Variants in LGALSL observed in about 807,000 individuals in gnomAD.
LGALSL encodes the protein galectin-related protein.
A neutral mutation model predicts 19.5 loss-of-function variants in LGALSL; 13 were observed. The ratio of observed to expected loss-of-function variants is 0.67; its 90% confidence interval spans 0.43 to 1.06. The LOEUF (loss-of-function observed/expected upper bound fraction) is 1.06. LGALSL is among the 50% of genes least tolerant of loss of function. The probability of loss-of-function intolerance (pLI) is 0.00; values close to 1 mark genes in which losing one functional copy is unlikely to be tolerated. For synonymous variants in LGALSL, 86 were observed against 78.3 expected, an observed-to-expected ratio of 1.10 and a Z score of -0.52; for missense variants, 189 against 219.3, an observed-to-expected ratio of 0.86 and a Z score of 0.87.
chr2:64,456,244 T>C (rs769062878), intron 3 of LGALSL, 44 bp from the exon 4 acceptor site: 3 of 1,564,202 alleles, frequency 1.9e-6, no homozygotes, highest in African/African-American at 1.4e-5. Context: ...TTTTGAAATG[T>C]TTTTATATCC....
At position 64,459,844 on chromosome 2, in the gene LGALSL, T is replaced by C. The variant is rs1439706754; in HGVS notation, c.*1416T>C. The stretch of plus-strand genomic sequence containing the variant: ...GCTTAAAGTCCTGGGTTCTGGACTT[T>C]AAAAGCTACATTGGCCCTGGAGGGA... On this transcript the variant is annotated 3_prime_UTR_variant, in exon 5 of 5. Transcript: ENST00000238875. The C allele has an allele frequency of 2.6e-5, 4 of 152,170 alleles. No individual in the cohort carries two copies. Among genetic ancestry groups the C allele is most frequent in the Non-Finnish European group, 5.9e-5 (4 of 68,044 alleles). 9.4% of individuals were successfully genotyped at this position (152,170 alleles called of 1,614,324 possible).
rs996069268 is a variant in LGALSL, at chr2:64,460,289, G to A, written c.*1861G>A. ...TATTTAACCATATTCAGCCTGTTCC[G>A]TGGGGGCTGTTCTGTGGTTCCAGGT... On this transcript the variant is annotated 3_prime_UTR_variant, in exon 5 of 5. Transcript: ENST00000238875. 2 of 152,232 alleles carry A rather than the reference G, an allele frequency of 1.3e-5. 1 individual carries two copies. The highest frequency in any genetic ancestry group is 4.1e-4 in the South Asian group (2 of 4,828). 9.4% of individuals were successfully genotyped at this position (152,232 alleles called of 1,614,324 possible).
Position 64,456,424 on chromosome 2 carries a change from G to A in LGALSL, c.334G>A (p.Ala112Thr). The A allele has an allele frequency of 1.2e-6, 2 of 1,605,642 alleles. No homozygotes were observed. Among genetic ancestry groups the A allele is most frequent in the East Asian group, 2.3e-5 (1 of 44,088 alleles). ...ISGERGEEQSAIPYFPFIPDQ... is the reference protein window; with the variant it reads ...ISGERGEEQSTIPYFPFIPDQ... ...TGGGGAGAGGGGTGAAGAACAGTCAGCAATCCCTTACTTTCCATTCATTCC... is the reference window on the plus strand; with the variant it reads ...TGGGGAGAGGGGTGAAGAACAGTCAACAATCCCTTACTTTCCATTCATTCC... The change falls in exon 4 of 5, where the codon GCA becomes ACA. Residue 112 changes from alanine (A) to threonine (T), a missense_variant. Around this residue, in one of 3 missense-constraint regions of LGALSL, gnomAD observed 106 missense variants for 119.3 expected, o/e 0.89. Transcript: ENST00000238875.
At chr2:64,456,745 A>G (rs1474100617) in intron 4 of LGALSL, among the ~76,000 whole-genome samples, 5 of 152,196 alleles carry the variant, frequency 3.3e-5, no homozygotes, top group Admixed American at 3.3e-4. Flanking sequence ...GTAGTACCCA[A>G]CATATAGTAG....
At chr2:64,456,665 A>G (rs1686741850) in intron 4 of LGALSL, among the ~76,000 whole-genome samples, 200 bp downstream of exon 4, 1 of 152,224 alleles carries the variant, frequency 6.6e-6, no homozygotes, top group South Asian at 2.1e-4. Flanking sequence ...TCTTAGTTCT[A>G]TTCAGGTCAT....
In LGALSL at chr2:64,456,269, G is replaced by A. The variant is rs371984390; in HGVS notation, c.198-19G>A. 3.2e-5 allele frequency: 52 copies of A among 1,604,944 alleles called. No homozygotes were observed. In the African/African-American group the frequency reaches 6.6e-4, roughly 20 times the overall value. ...TTTTTATATCCAACCCTTAATCAGT[G>A]GGATGATTTTCTTTTCAGCTTTGCA... is the stretch of plus-strand genomic sequence containing the variant. On this transcript the variant is annotated intron_variant, in intron 3 of 4. Transcript: ENST00000238875.
chr2:64,456,141 A>T, intron 3 of LGALSL, 147 bp from the exon 4 acceptor site: 1 of 621,550 alleles, frequency 1.6e-6, no homozygotes, highest in Non-Finnish European at 2.7e-6. Flanking sequence ...GGTTTGACTT[A>T]CTTCTCCATA....
In LGALSL at chr2:64,460,278, C is replaced by A. The variant is rs1328312594; in HGVS notation, c.*1850C>A. 1 of 152,216 alleles carries A rather than the reference C, an allele frequency of 6.6e-6. No homozygotes were observed. Among genetic ancestry groups the A allele is most frequent in the Non-Finnish European group, 1.5e-5 (1 of 68,032 alleles). 9.4% of individuals were successfully genotyped at this position (152,216 alleles called of 1,614,324 possible). The stretch of plus-strand genomic sequence containing the variant: ...ACCAGCCAACTTATTTAACCATATT[C>A]AGCCTGTTCCGTGGGGGCTGTTCTG... On this transcript the variant is annotated 3_prime_UTR_variant, in exon 5 of 5. Transcript: ENST00000238875.
intron 1 of LGALSL, 46 bp from the exon 2 acceptor site, chr2:64,455,298 C>CA: frequency 2.2e-6 from 3 of 1,337,110 alleles, no homozygotes; most frequent in Non-Finnish European, 3.2e-6. Context: ...TCCAGCCCCC[C>CA]AAAAAAGAGC....
Position 64,454,290 on chromosome 2 carries a change from G to T in LGALSL, c.-256G>T, listed in dbSNP as rs1439261433. The T allele has an allele frequency of 1.5e-5, 6 of 395,268 alleles. No individual in the cohort carries two copies. Among genetic ancestry groups the T allele is most frequent in the Non-Finnish European group, 2.7e-5 (6 of 224,070 alleles). 24.5% of individuals were successfully genotyped at this position (395,268 alleles called of 1,614,324 possible). A position where few individuals can be genotyped will look rare whatever the true frequency, so the allele number is the denominator to read the frequency against. On this transcript the variant is annotated 5_prime_UTR_variant, in exon 1 of 5. Coordinates refer to ENST00000238875, the MANE Select transcript of LGALSL (RefSeq NM_014181.3). The surrounding 1 kb of genome is among the most constrained non-coding windows in gnomAD (Gnocchi z 5.1). ...CGGCAGCAAGCAGCCCCGTCGGCCCGGGTCCGGGGCCGTTCTGGGCCGCGG... is the reference window on the plus strand; with the variant it reads ...CGGCAGCAAGCAGCCCCGTCGGCCCTGGTCCGGGGCCGTTCTGGGCCGCGG...
Position 64,461,267 on chromosome 2 carries a change from T to A in LGALSL, c.*2839T>A, listed in dbSNP as rs970944384. 1 of 152,244 alleles carries A rather than the reference T, an allele frequency of 6.6e-6. No individual in the cohort carries two copies. The highest frequency in any genetic ancestry group is 2.1e-4 in the South Asian group (1 of 4,838). The allele number at this position is 152,244 out of a possible 1,614,324, so 9.4% of individuals were successfully genotyped here. A position where few individuals can be genotyped will look rare whatever the true frequency, so the allele number is the denominator to read the frequency against. On this transcript the variant is annotated 3_prime_UTR_variant, in exon 5 of 5. Coordinates refer to ENST00000238875, the MANE Select transcript of LGALSL (RefSeq NM_014181.3). ...AAATAATGTTCCTATGATGACATAT[T>A]TTCAAAGAAACACTTTCTTATTTAC...
intron 2 of LGALSL, 37 bp from the exon 3 acceptor site, chr2:64,455,552 G>A: frequency 6.3e-7 from 1 of 1,577,322 alleles, no homozygotes; most frequent in Non-Finnish European, 8.7e-7. Context: ...TCCCTAACAG[G>A]CTGTAAAATT....
chr2:64,454,402 GGC>G lies in LGALSL; in HGVS notation c.-129_-128del, dbSNP rs1297627312. ...CCTGCCAGGTCGGCGCCGGGCCCCG[GGC>G]GCGCGCGCGCGCGCCCCCTCGTGTG... On this transcript the variant is annotated 5_prime_UTR_variant, in exon 1 of 5. Transcript: ENST00000238875. This position sits in a 1 kb window ranked among gnomAD's most constrained non-coding sequence, Gnocchi z 5.1. The G allele has an allele frequency of 1.2e-3, 470 of 378,054 alleles. No individual in the cohort carries two copies. The highest frequency in any genetic ancestry group is 1.6e-3 in the East Asian group (40 of 25,524). 23.4% of individuals were successfully genotyped at this position (378,054 alleles called of 1,614,324 possible).
chr2:64,456,412 G>A lies in LGALSL; in HGVS notation c.322G>A (p.Glu108Lys). 6.2e-7 allele frequency: 1 copy of A among 1,608,988 alleles called. No homozygotes were observed. ...RNSCISGERG[E>K]EQSAIPYFPF... is the part of the protein sequence containing the mutation. ...TTCTTGTATATCTGGGGAGAGGGGTGAAGAACAGTCAGCAATCCCTTACTT... is the reference window on the plus strand; with the variant it reads ...TTCTTGTATATCTGGGGAGAGGGGTAAAGAACAGTCAGCAATCCCTTACTT... Residue 108 changes from glutamate to lysine, a missense_variant, in exon 4 of 5, where the codon GAA becomes AAA. Physicochemically the swap from Glu to Lys is moderately conservative, Grantham distance 56 (BLOSUM62 1). Transcript: ENST00000238875.
Position 64,454,574 on chromosome 2 carries a change from C to A in LGALSL, c.29C>A (p.Ala10Asp). 1 of 1,452,394 alleles carries A rather than the reference C, an allele frequency of 6.9e-7. No individual in the cohort carries two copies. Among genetic ancestry groups the A allele is most frequent in the South Asian group, 1.4e-5 (1 of 73,324 alleles). 90.0% of individuals were successfully genotyped at this position (1,452,394 alleles called of 1,614,324 possible). A position where few individuals can be genotyped will look rare whatever the true frequency, so the allele number is the denominator to read the frequency against. Reference protein sequence around the residue: MAGSVADSDAVVKLDDGHLN... With the variant: MAGSVADSDDVVKLDDGHLN... ...GCGGGATCAGTGGCCGACAGCGATG[C>A]CGTGGTGGTGAGTGTGGCAGGGCGC... The change falls in exon 1 of 5, where the codon GCC (alanine) becomes GAC (aspartate). Residue 10 changes from alanine (A) to aspartate (D), a missense_variant. Ala to Asp is a moderately radical substitution (Grantham distance 126). Transcript: ENST00000238875. The surrounding 1 kb of genome is among the most constrained non-coding windows in gnomAD (Gnocchi z 5.1).
intron 4 of LGALSL, among the ~76,000 whole-genome samples, chr2:64,457,791 C>T (rs963435139): frequency 6.6e-6 from 1 of 152,176 alleles, no homozygotes; most frequent in South Asian, 2.1e-4. Context: ...GTGATGTCCC[C>T]TTGGGCTCCT....
intron 3 of LGALSL, 56 bp downstream of exon 3, chr2:64,455,733 A>C: frequency 7.5e-7 from 1 of 1,332,642 alleles, no homozygotes; most frequent in African/African-American, 1.4e-5. Flanking sequence ...AGCCCTGCCC[A>C]CTTCTGTTGT....
In LGALSL at chr2:64,456,485, C is replaced by T. The variant is rs772404838; in HGVS notation, c.375+20C>T. On this transcript the variant is annotated intron_variant, in intron 4 of 4. Coordinates refer to ENST00000238875, the MANE Select transcript of LGALSL (RefSeq NM_014181.3). ...TTCAGGGTGAGTACCTCGAGTGCCT[C>T]GGCTCCAGCCACTGGCAGGCTGATA... 4.6e-6 allele frequency: 7 copies of T among 1,514,664 alleles called. No homozygotes were observed. Among genetic ancestry groups the T allele is most frequent in the African/African-American group, 1.4e-5 (1 of 70,374 alleles). 93.8% of individuals were successfully genotyped at this position (1,514,664 alleles called of 1,614,324 possible).
rs1686820419 is a variant in LGALSL, at chr2:64,461,212, C to CGGCCTTGGCATTTTCTGGCATTAATGTA, written c.*2786_*2813dup. 6.6e-6 allele frequency: 1 copy of CGGCCTTGGCATTTTCTGGCATTAATGTA among 152,154 alleles called. No homozygotes were observed. The highest frequency in any genetic ancestry group is 1.5e-5 in the Non-Finnish European group (1 of 68,036). 9.4% of individuals were successfully genotyped at this position (152,154 alleles called of 1,614,324 possible). On this transcript the variant is annotated 3_prime_UTR_variant, in exon 5 of 5. Transcript: ENST00000238875. Reference sequence around the variant, plus strand: ...GGAGCCCTGTTTGCCTTGAGATAAACGGCCTTGGCATTTTCTGGCATTAAT... The same window carrying CGGCCTTGGCATTTTCTGGCATTAATGTA: ...GGAGCCCTGTTTGCCTTGAGATAAACGGCCTTGGCATTTTCTGGCATTAATGTAGGCCTTGGCATTTTCTGGCATTAAT...
Sources: allele counts gnomAD v4.1 joint callset (sites outside exome capture counted in the v4.1 genomes callset), GRCh38; gene constraint gnomAD v4.1.1; regional missense constraint gnomAD v4.1.1; non-coding constraint Gnocchi (gnomAD v3.1); transcripts MANE v1.5; gene names NCBI Gene and HGNC (gene_info 2026-07-23, HGNC 2026-07-21).